YTHDC2: variants seen among roughly 807,000 people sequenced by gnomAD.
YTHDC2 encodes 3'-5' RNA helicase YTHDC2.
Under a neutral mutation model 174.9 loss-of-function variants are expected in YTHDC2, and 45 were observed. The observed-to-expected ratio is 0.26, with a 90% CI of 0.20 to 0.33. The LOEUF (loss-of-function observed/expected upper bound fraction) is 0.33, where lower values mean the gene tolerates loss of function less well. Among genes scored for constraint, YTHDC2 ranks in the 10% least tolerant of loss-of-function variants. The pLI is 1.00. For synonymous variants in YTHDC2, 657 were observed against 574.5 expected (o/e 1.14, Z -2.05); for missense variants, 1,650 against 1,723.7 (o/e 0.96, Z 0.76).
intron 16 of YTHDC2, among the ~76,000 whole-genome samples, chr5:113,554,648 C>T (rs189228232): frequency 1.9e-3 from 286 of 151,876 alleles, no homozygotes; most frequent in Non-Finnish European, 3.4e-3. Context: ...CTTCATACTG[C>T]AAGGCAGATT....
intron 2 of YTHDC2, among the ~76,000 whole-genome samples, chr5:113,522,408 T>C (rs561564290): frequency 2.6e-5 from 4 of 152,294 alleles, no homozygotes; most frequent in East Asian, 3.9e-4. Context: ...GAAGAAGCCA[T>C]TGAAATGCCA....
intron 6 of YTHDC2, 37 bp from the exon 7 acceptor site, chr5:113,535,605 T>C (rs1172712307): frequency 6.5e-7 from 1 of 1,543,904 alleles, no homozygotes; most frequent in East Asian, 2.3e-5. Flanking sequence ...TCAATAATGT[T>C]TTAACTGTTC....
chr5:113,552,338 G>A (rs756374310), intron 12 of YTHDC2, among the ~76,000 whole-genome samples: 4 of 151,816 alleles, frequency 2.6e-5, no homozygotes, highest in South Asian at 2.1e-4. Flanking sequence ...TCCCTATTCC[G>A]CCCCAACTCT....
intron 23 of YTHDC2, among the ~76,000 whole-genome samples, chr5:113,575,513 G>C (rs547941658): frequency 6.6e-6 from 1 of 152,276 alleles, no homozygotes; most frequent in African/African-American, 2.4e-5. Context: ...TATGAGAAGA[G>C]CCAGCCACAT....
chr5:113,586,194 C>T (rs1030815462), intron 26 of YTHDC2, among the ~76,000 whole-genome samples: 2 of 152,002 alleles, frequency 1.3e-5, no homozygotes, highest in African/African-American at 4.8e-5. Flanking sequence ...GTAATTTTAG[C>T]CATTCCAGTT....
chr5:113,594,379 T>G lies in YTHDC2; in HGVS notation c.*905T>G, dbSNP rs2112836616. The G allele has an allele frequency of 1.3e-5, 2 of 152,314 alleles. No homozygotes were observed. Among genetic ancestry groups the G allele is most frequent in the East Asian group, 3.9e-4 (2 of 5,192 alleles). The allele number at this position is 152,314 out of a possible 1,614,324, so 9.4% of individuals were successfully genotyped here. On this transcript the variant is annotated 3_prime_UTR_variant, in exon 30 of 30. Transcript: ENST00000161863. ...ATACAAGTTTTTAAAAATTCTCAACTGGTAGCTTGCTTGCTGTGCGTCTTC... is the reference window on the plus strand; with the variant it reads ...ATACAAGTTTTTAAAAATTCTCAACGGGTAGCTTGCTTGCTGTGCGTCTTC...
At chr5:113,578,098 C>T (rs960936845) in intron 23 of YTHDC2, among the ~76,000 whole-genome samples, 1 of 152,010 alleles carries the variant, frequency 6.6e-6, no homozygotes, top group Non-Finnish European at 1.5e-5. Context: ...GGTTCAAATT[C>T]TAAAGTTATA....
At position 113,545,728 on chromosome 5, in the gene YTHDC2, ATTTTTTT is replaced by A. The variant is rs1159754942; in HGVS notation, c.1496-2789_1496-2783del. Reference sequence around the variant, plus strand: ...ATTTTTTGAAAAATAATTGATCTCCATTTTTTTTTTTTTTTTTTTTTTTTTTTTTTGA... The same window carrying A: ...ATTTTTTGAAAAATAATTGATCTCCATTTTTTTTTTTTTTTTTTTTTTTGA... On this transcript the variant is annotated intron_variant, in intron 10 of 29. Coordinates refer to ENST00000161863, the MANE Select transcript of YTHDC2 (RefSeq NM_022828.5). Among the ~76,000 whole-genome samples the A allele has an allele frequency of 8.1e-5, 4 of 49,482 alleles. No individual in the cohort carries two copies. The East Asian group carries it at 1.3e-3, about 16-fold the overall frequency. 32.5% of individuals were successfully genotyped at this position (49,482 alleles called of 152,430 possible).
intron 8 of YTHDC2, among the ~76,000 whole-genome samples, chr5:113,540,161 A>T (rs931400645): frequency 6.6e-6 from 1 of 152,224 alleles, no homozygotes; most frequent in Non-Finnish European, 1.5e-5. Context: ...GTGGAACTAC[A>T]GGCATGAGCC....
chr5:113,574,808 CCTA>C (rs111839856), intron 23 of YTHDC2, among the ~76,000 whole-genome samples: 48,526 of 149,942 alleles, frequency 0.32, 9,630 homozygotes, highest in African/African-American at 0.57. Context: ...ATGTAAAACT[CCTA>C]CGTTTCTGTG....
intron 10 of YTHDC2, among the ~76,000 whole-genome samples, chr5:113,544,732 CT>C (rs1430600081): frequency 6.6e-6 from 1 of 151,258 alleles, no homozygotes; most frequent in East Asian, 1.9e-4. Flanking sequence ...ATTACTTCAA[CT>C]GTTCTTTAAT....
At chr5:113,570,406 C>G (rs1777641219) in intron 23 of YTHDC2, among the ~76,000 whole-genome samples, 1 of 151,936 alleles carries the variant, frequency 6.6e-6, no homozygotes, top group Non-Finnish European at 1.5e-5. Flanking sequence ...TTGGCCTTTT[C>G]CTATGTATTT....
At chr5:113,533,185 T>G in intron 5 of YTHDC2, 140 bp downstream of exon 5, 1 of 882,294 alleles carries the variant, frequency 1.1e-6, no homozygotes, top group Non-Finnish European at 1.7e-6. Context: ...GATATTAAAG[T>G]CATGTCTAAA....
At chr5:113,561,409 T>C (rs964033467) in intron 18 of YTHDC2, among the ~76,000 whole-genome samples, 35 of 151,862 alleles carry the variant, frequency 2.3e-4, no homozygotes, top group Non-Finnish European at 4.4e-4. Flanking sequence ...ATTTAAATTA[T>C]GGTACAGTTT....
intron 24 of YTHDC2, chr5:113,581,184 G>T: frequency 2.7e-6 from 1 of 372,122 alleles, no homozygotes. Flanking sequence ...CACAACTATT[G>T]TTTACTGTCT....
At chr5:113,588,982 T>G (rs1778840901) in intron 26 of YTHDC2, among the ~76,000 whole-genome samples, 1 of 152,190 alleles carries the variant, frequency 6.6e-6, no homozygotes, top group Non-Finnish European at 1.5e-5. Flanking sequence ...TTCATACATT[T>G]TGTTTTTATA....
intron 10 of YTHDC2, among the ~76,000 whole-genome samples, chr5:113,547,882 C>G (rs1266316724): frequency 6.6e-6 from 1 of 151,812 alleles, no homozygotes; most frequent in Non-Finnish European, 1.5e-5. Context: ...CTGAAATTAC[C>G]AATTTTGTAA....
At chr5:113,526,851 TCCC>T (rs1291172997) in intron 4 of YTHDC2, 66 bp downstream of exon 4, 1 of 373,430 alleles carries the variant, frequency 2.7e-6, no homozygotes, top group Non-Finnish European at 4.1e-6. Flanking sequence ...ATATATATAG[TCCC>T]ATATTATAAT....
At chr5:113,563,345 A>C (rs921459784) in intron 18 of YTHDC2, 28 bp from the exon 19 acceptor site, 3 of 1,558,172 alleles carry the variant, frequency 1.9e-6, no homozygotes. Context: ...TTTAATTTTA[A>C]AAAATTATTT....
Sources: allele counts gnomAD v4.1 joint callset (sites outside exome capture counted in the v4.1 genomes callset), GRCh38; gene constraint gnomAD v4.1.1; transcripts MANE v1.5; gene names NCBI Gene and HGNC (gene_info 2026-07-23, HGNC 2026-07-21).